Variants in STK3 observed in about 807,000 individuals in gnomAD.
STK3 encodes the protein serine/threonine kinase 3, also known as serine/threonine-protein kinase 3.
In STK3, 41 loss-of-function variants were observed where a neutral mutation model predicts 58.0. The observed-to-expected ratio is 0.71, with a 90% CI of 0.55 to 0.92. The LOEUF (loss-of-function observed/expected upper bound fraction) is 0.92. Ranked by LOEUF, STK3 falls within the 40% of genes least tolerant of loss-of-function variation. The pLI is 0.00. For missense variants in STK3, 479 were observed against 602.7 expected, an observed-to-expected ratio of 0.79 and a Z score of 2.15; for synonymous variants, 170 against 191.0, an observed-to-expected ratio of 0.89 and a Z score of 0.91.
chr8:98,545,670 A>AT (rs965066755), intron 9 of STK3, among the ~76,000 whole-genome samples: 1 of 152,142 alleles, frequency 6.6e-6, no homozygotes, highest in Non-Finnish European at 1.5e-5. Flanking sequence ...TGAAACTCCA[A>AT]TGGAAAAAGA....
At chr8:98,903,487 G>GTTCTTCTTCTTC (rs71572029) in intron 1 of STK3, among the ~76,000 whole-genome samples, 9 of 139,646 alleles carry the variant, frequency 6.4e-5, no homozygotes, top group Non-Finnish European at 1.4e-4. Flanking sequence ...AATTTAGGAA[G>GTTCTTCTTCTTC]TTCTTCTTCT....
the STK3 span, among the ~76,000 whole-genome samples, chr8:98,352,831 T>G: frequency 6.6e-6 from 1 of 152,222 alleles, no homozygotes; most frequent in Admixed American, 6.5e-5. Flanking sequence ...AGGTGGAGAC[T>G]GAAGTCTACC....
intron 8 of STK3, among the ~76,000 whole-genome samples, chr8:98,552,167 A>G (rs1487633318): frequency 6.6e-6 from 1 of 152,134 alleles, no homozygotes; most frequent in Non-Finnish European, 1.5e-5. Context: ...AGAGTCCCAT[A>G]TAAATTATTC....
At chr8:98,437,839 T>TG (rs1563605505) in intron 1 of STK3, 1 of 152,162 alleles carries the variant, frequency 6.6e-6, no homozygotes, top group Admixed American at 6.5e-5. Flanking sequence ...TTTGTGGGAA[T>TG]GTGGGAGGAG....
chr8:98,721,245 C>T (rs777201686), intron 4 of STK3: 10 of 379,594 alleles, frequency 2.6e-5, no homozygotes, highest in Middle Eastern at 1.4e-3. Flanking sequence ...AATCACTAAG[C>T]AGGAAAGATA....
chr8:98,405,709 A>G (rs1038043910), intron 3 of STK3, among the ~76,000 whole-genome samples: 1 of 152,230 alleles, frequency 6.6e-6, no homozygotes, highest in Non-Finnish European at 1.5e-5. Flanking sequence ...AAAGAGGATT[A>G]ATGGACTTAC....
intron 2 of STK3, among the ~76,000 whole-genome samples, chr8:98,375,107 T>A (rs1817659464): frequency 6.6e-6 from 1 of 150,958 alleles, no homozygotes; most frequent in Non-Finnish European, 1.5e-5. Context: ...AAAAAACTAT[T>A]AGCCAGGCAT....
chr8:98,847,019 C>T (rs1389221474), intron 3 of STK3, among the ~76,000 whole-genome samples: 1 of 152,068 alleles, frequency 6.6e-6, no homozygotes, highest in Non-Finnish European at 1.5e-5. Flanking sequence ...GCTCTAAAGT[C>T]CCAGAATTTT....
In STK3 at chr8:98,923,871, G is replaced by GCGCA. The variant is rs950815438; in HGVS notation, c.-79+18506_-79+18507insTGCG. On this transcript the variant is annotated intron_variant, in intron 1 of 1. Coordinates refer to the STK3 transcript ENST00000519420. ...TGTGTGTGTGCGCGCGCGCGCGCGCGCGCGCGTTGACAATGATGGGAGAGA... is the reference window on the plus strand; with the variant it reads ...TGTGTGTGTGCGCGCGCGCGCGCGCGCGCACGCGCGTTGACAATGATGGGAGAGA... Among the ~76,000 whole-genome samples the GCGCA allele has an allele frequency of 6.5e-4, 97 of 148,302 alleles. 1 individual carries two copies. The highest frequency in any genetic ancestry group is 5.8e-4 in the Non-Finnish European group (39 of 67,030).
chr8:98,375,288 A>G (rs1306918382), intron 2 of STK3, among the ~76,000 whole-genome samples: 1 of 151,938 alleles, frequency 6.6e-6, no homozygotes, highest in Non-Finnish European at 1.5e-5. Context: ...AAACAAAAAA[A>G]AAAACCTATT....
chr8:98,427,280 G>A (rs1391905358), intron 3 of STK3: 2 of 151,536 alleles, frequency 1.3e-5, no homozygotes, highest in Non-Finnish European at 2.9e-5. Context: ...CTCGCCCGCG[G>A]GTTGGGGAAG....
chr8:98,456,529 A>G (rs1181858143), intron 10 of STK3, among the ~76,000 whole-genome samples: 1 of 152,232 alleles, frequency 6.6e-6, no homozygotes, highest in African/African-American at 2.4e-5. Flanking sequence ...GTAAGGCTGA[A>G]TAGGCCTGGT....
chr8:98,588,930 C>T (rs894916962), intron 7 of STK3, among the ~76,000 whole-genome samples: 1 of 147,090 alleles, frequency 6.8e-6, no homozygotes, highest in African/African-American at 2.5e-5. Flanking sequence ...AGTTCTCGAG[C>T]CTTGGTTTTC....
intron 10 of STK3, among the ~76,000 whole-genome samples, chr8:98,515,322 C>T (rs1296964393): frequency 2.0e-5 from 3 of 152,138 alleles, no homozygotes; most frequent in Non-Finnish European, 4.4e-5. Context: ...TAGGTTACTA[C>T]TGCATCATAT....
At chr8:98,851,278 T>C (rs1321213234) in intron 3 of STK3, among the ~76,000 whole-genome samples, 2 of 152,080 alleles carry the variant, frequency 1.3e-5, no homozygotes, top group East Asian at 3.9e-4. Flanking sequence ...ATGTGTTTAG[T>C]GGGTGAATGT....
At chr8:98,756,420 T>C (rs911548861) in intron 3 of STK3, among the ~76,000 whole-genome samples, 1 of 151,990 alleles carries the variant, frequency 6.6e-6, no homozygotes, top group Non-Finnish European at 1.5e-5. Context: ...TAGAACATAA[T>C]GGAGTTGCAT....
intron 3 of STK3, among the ~76,000 whole-genome samples, chr8:98,411,308 C>T (rs1383221445): frequency 6.6e-6 from 1 of 152,240 alleles, no homozygotes; most frequent in Admixed American, 6.5e-5. Flanking sequence ...AAATCTATCA[C>T]CTTACAACTC....
rs750967020 is a variant in STK3 at position 98,749,387 on chromosome 8, T to C, written c.240A>G (p.Pro80=). 1.3e-6 allele frequency: 2 copies of C among 1,531,170 alleles called. No individual in the cohort carries two copies. Among genetic ancestry groups the C allele is most frequent in the Admixed American group, 1.9e-5 (1 of 52,816 alleles). 94.8% of individuals were successfully genotyped at this position (1,531,170 alleles called of 1,614,324 possible). ...AACTGCCATAGTACTTTACAACATA[T>C]GGGCTAAAGGAAAATACATAAACAA... is the stretch of plus-strand genomic sequence containing the variant. ...EISIMQQCDS[P]YVVKYYGSYF... Residue 80 remains proline, a synonymous_variant, in exon 4 of 11, where the codon CCA becomes CCG. Transcript: ENST00000419617.
At chr8:98,413,407 T>C (rs1465490626) in intron 3 of STK3, 3 of 557,144 alleles carry the variant, frequency 5.4e-6, no homozygotes, top group Non-Finnish European at 1.1e-5. Flanking sequence ...AGTTAAGCTA[T>C]TTCCTGCTGA....
Sources: allele counts gnomAD v4.1 joint callset (sites outside exome capture counted in the v4.1 genomes callset), GRCh38; gene constraint gnomAD v4.1.1; transcripts MANE v1.5; gene names NCBI Gene and HGNC (gene_info 2026-07-23, HGNC 2026-07-21).